LRRTM4: variants seen among roughly 807,000 people sequenced by gnomAD.
LRRTM4 encodes the protein leucine-rich repeat transmembrane neuronal protein 4.
Under a neutral mutation model 47.6 loss-of-function variants are expected in LRRTM4, and 25 were observed. That is an observed-to-expected ratio of 0.53 (90% CI 0.38 to 0.73). LRRTM4 has a LOEUF of 0.73. Ranked by LOEUF, LRRTM4 falls within the 30% of genes least tolerant of loss-of-function variation. The pLI, the probability that LRRTM4 is intolerant of heterozygous loss-of-function variation, is 0.00. For missense variants in LRRTM4, 638 were observed against 713.4 expected (o/e 0.89, Z 1.20); for synonymous variants, 311 against 269.5 (o/e 1.15, Z -1.51).
intron 3 of LRRTM4, among the ~76,000 whole-genome samples, chr2:76,841,997 C>A (rs1354279310): frequency 6.6e-6 from 1 of 152,116 alleles, no homozygotes; most frequent in Admixed American, 6.6e-5. Flanking sequence ...CTAGACTGAG[C>A]TACTGGATGT....
At chr2:76,984,362 C>T (rs1404908577) in intron 3 of LRRTM4, among the ~76,000 whole-genome samples, 1 of 151,844 alleles carries the variant, frequency 6.6e-6, no homozygotes, top group Non-Finnish European at 1.5e-5. Context: ...AGAATTGTAG[C>T]ACCTGGTCAT....
At chr2:77,150,699 C>T (rs1672394828) in intron 3 of LRRTM4, among the ~76,000 whole-genome samples, 1 of 152,114 alleles carries the variant, frequency 6.6e-6, no homozygotes, top group Admixed American at 6.5e-5. Flanking sequence ...GTTAAAAGAA[C>T]AGCCTGGGTG....
intron 3 of LRRTM4, among the ~76,000 whole-genome samples, chr2:77,477,122 G>A (rs1677431252): frequency 6.6e-6 from 1 of 151,988 alleles, no homozygotes; most frequent in South Asian, 2.1e-4. Context: ...GAGAGAGATA[G>A]GAAGACAGAG....
intron 3 of LRRTM4, among the ~76,000 whole-genome samples, chr2:77,167,667 C>G (rs866449416): frequency 6.6e-6 from 1 of 152,092 alleles, no homozygotes; most frequent in African/African-American, 2.4e-5. Context: ...ATGGATGAAG[C>G]TGGAAACCGT....
intron 3 of LRRTM4, among the ~76,000 whole-genome samples, chr2:77,033,602 C>T (rs1237053643): frequency 6.6e-6 from 1 of 151,846 alleles, no homozygotes; most frequent in Non-Finnish European, 1.5e-5. Context: ...TCAAATGTCT[C>T]TCCTTGGGGC....
At chr2:77,147,916 T>A (rs781193474) in intron 3 of LRRTM4, among the ~76,000 whole-genome samples, 14 of 152,320 alleles carry the variant, frequency 9.2e-5, no homozygotes, top group Non-Finnish European at 1.8e-4. Context: ...ATTGAGGGTT[T>A]ATGGATGTTT....
At chr2:77,078,355 A>G (rs1445601538) in intron 3 of LRRTM4, among the ~76,000 whole-genome samples, 1 of 145,802 alleles carries the variant, frequency 6.9e-6, no homozygotes, top group Non-Finnish European at 1.5e-5. Flanking sequence ...ATTGAAAAAA[A>G]TATGTTTGTC....
intron 3 of LRRTM4, among the ~76,000 whole-genome samples, chr2:77,013,389 C>G (rs569835470): frequency 1.3e-5 from 2 of 151,998 alleles, no homozygotes; most frequent in East Asian, 1.9e-4. Context: ...TACTGTGGAG[C>G]AACTTTACCC....
chr2:77,027,347 A>T (rs767251451), intron 3 of LRRTM4, among the ~76,000 whole-genome samples: 1 of 152,172 alleles, frequency 6.6e-6, no homozygotes, highest in African/African-American at 2.4e-5. Context: ...GAACTCATAA[A>T]TGCTTTTTAA....
intron 3 of LRRTM4, among the ~76,000 whole-genome samples, chr2:77,486,330 G>A (rs116693024): frequency 6.6e-6 from 1 of 152,054 alleles, no homozygotes. Flanking sequence ...CAAAAACAGG[G>A]CAGAGCAGTT....
At chr2:77,371,835 T>G (rs1298313572) in intron 3 of LRRTM4, among the ~76,000 whole-genome samples, 1 of 151,720 alleles carries the variant, frequency 6.6e-6, no homozygotes, top group Non-Finnish European at 1.5e-5. Flanking sequence ...CGGTAAATGG[T>G]CATGTCAAGA....
At chr2:77,019,275 A>AAAAAT (rs1390544509) in intron 3 of LRRTM4, among the ~76,000 whole-genome samples, 13 of 150,876 alleles carry the variant, frequency 8.6e-5, no homozygotes, top group African/African-American at 2.7e-4. Flanking sequence ...AAAAAAAAAA[A>AAAAAT]ATATAAGAAG....
At chr2:76,944,540 T>C (rs748675298) in intron 3 of LRRTM4, among the ~76,000 whole-genome samples, 3 of 152,110 alleles carry the variant, frequency 2.0e-5, no homozygotes, top group Non-Finnish European at 4.4e-5. Context: ...TAGAACTGAA[T>C]GTATTGTTTC....
At chr2:76,952,773 A>G (rs1286826964) in intron 3 of LRRTM4, among the ~76,000 whole-genome samples, 1 of 151,940 alleles carries the variant, frequency 6.6e-6, no homozygotes, top group Non-Finnish European at 1.5e-5. Context: ...CACAATAGCA[A>G]AAACATGGTA....
chr2:77,380,233 A>T (rs1260396188), intron 3 of LRRTM4, among the ~76,000 whole-genome samples: 2 of 152,150 alleles, frequency 1.3e-5, no homozygotes, highest in Non-Finnish European at 2.9e-5. Flanking sequence ...CTACATATTT[A>T]ACTTTTAAAA....
At chr2:77,403,443 T>C (rs535740253) in intron 3 of LRRTM4, among the ~76,000 whole-genome samples, 1 of 151,892 alleles carries the variant, frequency 6.6e-6, no homozygotes, top group South Asian at 2.1e-4. Context: ...TGCTTAATAG[T>C]TGAATAAAGA....
At chr2:77,211,784 T>C (rs1674300169) in intron 3 of LRRTM4, among the ~76,000 whole-genome samples, 1 of 152,162 alleles carries the variant, frequency 6.6e-6, no homozygotes, top group Non-Finnish European at 1.5e-5. Flanking sequence ...AAGCGAAATA[T>C]CAGATAATTC....
In LRRTM4 at chr2:76,789,672, A is replaced by ACAAT. The variant is rs369068537; in HGVS notation, c.1552-40760_1552-40757dup. Among the ~76,000 whole-genome samples, 679 of 152,234 alleles carry ACAAT rather than the reference A, an allele frequency of 4.5e-3. 2 individuals are homozygous for ACAAT. The highest frequency in any genetic ancestry group is 8.3e-3 in the Non-Finnish European group (567 of 68,006). On this transcript the variant is annotated intron_variant, in intron 3 of 3. Transcript: ENST00000409884. ...CCCCATTTATTCTTGAGTCTGTTTC[A>ACAAT]CAATCATGGAAAGACTCTGTATCAT...
At chr2:76,976,966 TTA>T (rs1676437554) in intron 3 of LRRTM4, among the ~76,000 whole-genome samples, 1 of 151,496 alleles carries the variant, frequency 6.6e-6, no homozygotes, top group Non-Finnish European at 1.5e-5. Context: ...GATATGTACA[TTA>T]TGTGTCAACT....
Sources: gnomAD v4.1 joint callset for allele counts (sites outside exome capture counted in the v4.1 genomes callset) on GRCh38, gnomAD v4.1.1 for gene constraint, MANE v1.5 for transcripts, NCBI Gene and HGNC (gene_info 2026-07-23, HGNC 2026-07-21) for gene names.